TMTC1: variants seen among roughly 807,000 people sequenced by gnomAD.
TMTC1 encodes transmembrane O-mannosyltransferase targeting cadherins 1.
In TMTC1, 73 loss-of-function variants were observed where a neutral mutation model predicts 104.8. That is an observed-to-expected ratio of 0.70 (90% CI 0.58 to 0.85). TMTC1 has a LOEUF of 0.85. TMTC1 is among the 40% of genes least tolerant of loss of function. The probability of loss-of-function intolerance (pLI) is 0.00; values close to 1 mark genes in which losing one functional copy is unlikely to be tolerated. For missense variants in TMTC1, 1,035 were observed against 1,096.1 expected (o/e 0.94, Z 0.79); for synonymous variants, 434 against 428.7 (o/e 1.01, Z -0.15).
At chr12:29,761,796 T>C (rs775940100) in intron 2 of TMTC1, among the ~76,000 whole-genome samples, 5 of 152,066 alleles carry the variant, frequency 3.3e-5, no homozygotes, top group Non-Finnish European at 7.4e-5. Flanking sequence ...CATCAACAAT[T>C]AATAGTAGGA....
At chr12:29,739,459 G>A (rs1942767856) in intron 5 of TMTC1, among the ~76,000 whole-genome samples, 1 of 152,154 alleles carries the variant, frequency 6.6e-6, no homozygotes, top group Non-Finnish European at 1.5e-5. Flanking sequence ...CACCTCTCCT[G>A]TGATCTCATA....
intron 5 of TMTC1, among the ~76,000 whole-genome samples, chr12:29,657,872 G>T (rs1286013129): frequency 6.6e-6 from 1 of 152,168 alleles, no homozygotes. Flanking sequence ...TGGAGAGGCT[G>T]AGGCAGGTGG....
At chr12:29,521,566 C>CT (rs3036151) in intron 11 of TMTC1, among the ~76,000 whole-genome samples, 2,381 of 89,536 alleles carry the variant, frequency 0.027, 98 homozygotes, top group African/African-American at 0.072. Context: ...TTCTTTCTTT[C>CT]TTTTTTTTTT....
At chr12:29,522,658 G>A (rs750641719) in intron 11 of TMTC1, among the ~76,000 whole-genome samples, 32 of 152,006 alleles carry the variant, frequency 2.1e-4, no homozygotes, top group Non-Finnish European at 4.4e-5. Flanking sequence ...ACCATAGGGT[G>A]TATATTCATG....
At chr12:29,760,885 T>C (rs1380007776) in intron 2 of TMTC1, among the ~76,000 whole-genome samples, 1 of 148,520 alleles carries the variant, frequency 6.7e-6, no homozygotes, top group Non-Finnish European at 1.5e-5. Context: ...ATGTATAATG[T>C]ATTACATATA....
chr12:29,601,819 GT>G (rs1309975084), intron 7 of TMTC1, among the ~76,000 whole-genome samples: 1 of 149,864 alleles, frequency 6.7e-6, no homozygotes, highest in Non-Finnish European at 1.5e-5. Context: ...CACTTTCTAA[GT>G]TTTATATATA....
At chr12:29,611,428 A>G (rs1279740685) in intron 6 of TMTC1, among the ~76,000 whole-genome samples, 1 of 152,230 alleles carries the variant, frequency 6.6e-6, no homozygotes, top group Non-Finnish European at 1.5e-5. Flanking sequence ...AATGTTTAAA[A>G]AATAAAAGCA....
In TMTC1 at chr12:29,502,129, A is replaced by G. The variant is rs1394402360; in HGVS notation, c.*4717T>C. 2 of 152,274 alleles carry G rather than the reference A, an allele frequency of 1.3e-5. No individual in the cohort carries two copies. Among genetic ancestry groups the G allele is most frequent in the East Asian group, 3.9e-4 (2 of 5,182 alleles). The allele number at this position is 152,274 out of a possible 1,614,324, so 9.4% of individuals were successfully genotyped here. On this transcript the variant is annotated 3_prime_UTR_variant, in exon 18 of 18. Coordinates refer to ENST00000539277, the MANE Select transcript of TMTC1 (RefSeq NM_001193451.2). ...ATTTGACAGGTACTTAATTCTTTTT[A>G]AATGTCAAAAGATACCATTTAAATA...
intron 3 of TMTC1, among the ~76,000 whole-genome samples, chr12:29,756,367 AC>A (rs1191481809): frequency 1.3e-5 from 2 of 152,222 alleles, no homozygotes; most frequent in African/African-American, 4.8e-5. Context: ...ATGACTTGTC[AC>A]ACATCAAGTG....
chr12:29,651,775 G>C (rs1331708101), intron 5 of TMTC1, among the ~76,000 whole-genome samples: 1 of 152,174 alleles, frequency 6.6e-6, no homozygotes, highest in African/African-American at 2.4e-5. Context: ...ATTTAGTCTT[G>C]GGTGGCCTAT....
At chr12:29,570,561 A>G (rs1248378731) in intron 9 of TMTC1, among the ~76,000 whole-genome samples, 1 of 152,158 alleles carries the variant, frequency 6.6e-6, no homozygotes, top group African/African-American at 2.4e-5. Context: ...CTGCCATATT[A>G]GGCCAGGTGT....
rs751388257 is a variant in TMTC1 at position 29,755,778 on chromosome 12, G to A, written c.662C>T (p.Thr221Ile). The part of the protein sequence containing the change: ...LGTCAMLVKE[T>I]GITVFGVCLV... ...GCACACTCCAAACACCGTGATGCCT[G>A]TCTCTTTCACCAGCATCGCACAGGT... is the stretch of plus-strand genomic sequence containing the variant. The change falls in exon 4 of 18, where the codon ACA becomes ATA. Residue 221 changes from threonine to isoleucine, a missense_variant. Coordinates refer to ENST00000539277, the MANE Select transcript of TMTC1 (RefSeq NM_001193451.2). The A allele has an allele frequency of 7.4e-6, 12 of 1,614,058 alleles. No individual in the cohort carries two copies. The highest frequency in any genetic ancestry group is 7.6e-6 in the Non-Finnish European group (9 of 1,180,018).
chr12:29,633,441 GT>G, intron 5 of TMTC1, 105 bp from the exon 6 acceptor site: 1 of 936,446 alleles, frequency 1.1e-6, no homozygotes, highest in Non-Finnish European at 1.6e-6. Context: ...CCCAGTCAAT[GT>G]TATCTTGGAG....
chr12:29,587,225 A>G (rs1207999331), intron 7 of TMTC1, among the ~76,000 whole-genome samples: 1 of 152,118 alleles, frequency 6.6e-6, no homozygotes, highest in Non-Finnish European at 1.5e-5. Context: ...ACTTGCGTAG[A>G]GGTATTTATA....
intron 1 of TMTC1, among the ~76,000 whole-genome samples, chr12:29,774,563 C>G (rs1190980647): frequency 6.6e-6 from 1 of 152,224 alleles, no homozygotes; most frequent in Non-Finnish European, 1.5e-5. Flanking sequence ...GCTAAGCACA[C>G]AGCACATTCT....
chr12:29,506,686 A>T lies in TMTC1; in HGVS notation c.*160T>A. On this transcript the variant is annotated 3_prime_UTR_variant, in exon 18 of 18. Transcript: ENST00000539277. ...TTCTTCATGGAAAAGCAAGTCCTTC[A>T]GCACTGGGCTACCAGCAGATGTCCC... is the stretch of plus-strand genomic sequence containing the variant. 1.2e-6 allele frequency: 1 copy of T among 830,040 alleles called. No homozygotes were observed. Among genetic ancestry groups the T allele is most frequent in the Non-Finnish European group, 1.9e-6 (1 of 525,696 alleles). 51.4% of individuals were successfully genotyped at this position (830,040 alleles called of 1,614,324 possible).
intron 6 of TMTC1, among the ~76,000 whole-genome samples, chr12:29,630,255 C>T (rs1447697329): frequency 6.6e-6 from 1 of 152,148 alleles, no homozygotes; most frequent in Non-Finnish European, 1.5e-5. Flanking sequence ...ACTCACAGTT[C>T]TGCATGGCTG....
At chr12:29,570,950 A>G (rs141467786) in intron 9 of TMTC1, among the ~76,000 whole-genome samples, 57 of 151,428 alleles carry the variant, frequency 3.8e-4, no homozygotes, top group African/African-American at 1.4e-3. Context: ...CATATTAAAT[A>G]TTAAGTAACA....
At chr12:29,783,955 G>T, upstream of TMTC1, 1 of 256,702 alleles carries the variant, frequency 3.9e-6, no homozygotes, top group Non-Finnish European at 6.3e-6. The surrounding 1 kb of genome is among the most constrained non-coding windows in gnomAD (Gnocchi z 4.7). Context: ...CAGTCCCCCC[G>T]CCTCCCCCGG....
Sources: allele counts gnomAD v4.1 joint callset (sites outside exome capture counted in the v4.1 genomes callset), GRCh38; gene constraint gnomAD v4.1.1; non-coding constraint Gnocchi (gnomAD v3.1); transcripts MANE v1.5; gene names NCBI Gene and HGNC (gene_info 2026-07-23, HGNC 2026-07-21).